The following ALKBH5 variants were observed in gnomAD, a reference collection of about 807,000 sequenced individuals.
ALKBH5 encodes alkB homolog 5, RNA demethylase.
ALKBH5 carries 2 observed loss-of-function variants against 32.1 expected under a neutral mutation model. The observed-to-expected ratio is 0.06, with a 90% CI of 0.03 to 0.20. ALKBH5 has a LOEUF of 0.20. ALKBH5 is among the 10% of genes least tolerant of loss of function. The pLI, the probability that ALKBH5 is intolerant of heterozygous loss-of-function variation, is 1.00. For synonymous variants in ALKBH5, 300 were observed against 231.7 expected, an observed-to-expected ratio of 1.29 and a Z score of -2.68; for missense variants, 352 against 559.5, an observed-to-expected ratio of 0.63 and a Z score of 3.74.
intron 2 of ALKBH5, among the ~76,000 whole-genome samples, chr17:18,203,798 G>A (rs969883219): frequency 2.6e-5 from 4 of 152,224 alleles, no homozygotes; most frequent in African/African-American, 9.6e-5. Flanking sequence ...GAAGTGTAGG[G>A]AGGGCAGGAG....
chr17:18,185,395 A>T (rs914494580), intron 1 of ALKBH5, among the ~76,000 whole-genome samples: 25 of 149,106 alleles, frequency 1.7e-4, no homozygotes, highest in Admixed American at 9.4e-4. Flanking sequence ...ATGCTTTAAA[A>T]TTTTTTTTTT....
chr17:18,187,761 C>T (rs2047148254), intron 1 of ALKBH5, among the ~76,000 whole-genome samples: 1 of 152,152 alleles, frequency 6.6e-6, no homozygotes. Flanking sequence ...TTTCCTGGTA[C>T]AGATCCTAGC....
rs921917216 is a variant in ALKBH5 at position 18,209,594 on chromosome 17, G to C, written c.*1198G>C. ...AGATCCTGGAAGGCAGCAAGGTTTT[G>C]TGGATCTAGATTCATTAGGAATGTC... On this transcript the variant is annotated 3_prime_UTR_variant, in exon 4 of 4. Coordinates refer to ENST00000399138, the MANE Select transcript of ALKBH5 (RefSeq NM_017758.4). 1.3e-5 allele frequency: 2 copies of C among 152,238 alleles called. No individual in the cohort carries two copies. The highest frequency in any genetic ancestry group is 6.5e-5 in the Admixed American group (1 of 15,284). The allele number at this position is 152,238 out of a possible 1,614,324, so 9.4% of individuals were successfully genotyped here.
At chr17:18,197,564 C>T (rs2047211388) in intron 2 of ALKBH5, among the ~76,000 whole-genome samples, 1 of 152,216 alleles carries the variant, frequency 6.6e-6, no homozygotes, top group African/African-American at 2.4e-5. Context: ...GTTGGATGTG[C>T]AGGTGGTAGT....
At chr17:18,199,464 G>A (rs2047223715) in intron 2 of ALKBH5, among the ~76,000 whole-genome samples, 1 of 152,196 alleles carries the variant, frequency 6.6e-6, no homozygotes, top group Non-Finnish European at 1.5e-5. Flanking sequence ...AGTGCACTCT[G>A]TGCTTCTGCT....
chr17:18,186,557 T>G (rs2047140756), intron 1 of ALKBH5, among the ~76,000 whole-genome samples: 1 of 151,844 alleles, frequency 6.6e-6, no homozygotes, highest in Admixed American at 6.6e-5. Flanking sequence ...CACAAGGCAT[T>G]TTTTTTTGGT....
At chr17:18,194,035 G>A (rs777715324) in intron 1 of ALKBH5, among the ~76,000 whole-genome samples, 1 of 151,808 alleles carries the variant, frequency 6.6e-6, no homozygotes, top group Non-Finnish European at 1.5e-5. Flanking sequence ...CGCTAGCTGA[G>A]AAGAGGACAG....
chr17:18,184,488 C>T lies in ALKBH5; in HGVS notation c.245C>T (p.Ala82Val). ...CAGCAGCTGCAGAAGGAGGAGGAGG[C>T]GCGCAAGGTGAAGAGCGGCATCCGC... ...EEQQLQKEEEARKVKSGIRQM... is the reference protein window; with the variant it reads ...EEQQLQKEEEVRKVKSGIRQM... The change falls in exon 1 of 4, where the codon GCG becomes GTG. Residue 82 changes from alanine to valine, a missense_variant. By Grantham distance (64) the Ala-to-Val change is moderately conservative. This residue lies in a region of ALKBH5 where 144 missense variants were observed against 125.8 expected (regional missense o/e 1.14). Coordinates refer to ENST00000399138, the MANE Select transcript of ALKBH5 (RefSeq NM_017758.4). 1.2e-6 allele frequency: 2 copies of T among 1,612,896 alleles called. No homozygotes were observed. Among genetic ancestry groups the T allele is most frequent in the South Asian group, 1.1e-5 (1 of 91,070 alleles).
At chr17:18,189,531 G>A (rs1210090119) in intron 1 of ALKBH5, among the ~76,000 whole-genome samples, 1 of 152,182 alleles carries the variant, frequency 6.6e-6, no homozygotes, top group African/African-American at 2.4e-5. Flanking sequence ...GTGCCCTTTG[G>A]TGAGGCCAGC....
intron 2 of ALKBH5, among the ~76,000 whole-genome samples, chr17:18,201,979 C>T (rs2047244112): frequency 6.6e-6 from 1 of 151,812 alleles, no homozygotes; most frequent in Non-Finnish European, 1.5e-5. Context: ...CCCACCCGTG[C>T]ACTCCAGGCT....
Position 18,208,825 on chromosome 17 carries a change from C to T in ALKBH5, c.*429C>T, listed in dbSNP as rs912459091. ...AGTTCAGTCTTCTGCTCGCCCCTTT[C>T]CCTCACTGATGTCTGCACTTGGTTG... On this transcript the variant is annotated 3_prime_UTR_variant, in exon 4 of 4. Coordinates refer to ENST00000399138, the MANE Select transcript of ALKBH5 (RefSeq NM_017758.4). 2.3e-5 allele frequency: 7 copies of T among 301,984 alleles called. No homozygotes were observed. The highest frequency in any genetic ancestry group is 4.5e-5 in the Non-Finnish European group (7 of 156,222). The allele number at this position is 301,984 out of a possible 1,614,324, so 18.7% of individuals were successfully genotyped here. A position where few individuals can be genotyped will look rare whatever the true frequency, so the allele number is the denominator to read the frequency against.
chr17:18,185,970 A>G (rs2047136869), intron 1 of ALKBH5, among the ~76,000 whole-genome samples: 1 of 152,162 alleles, frequency 6.6e-6, no homozygotes, highest in Non-Finnish European at 1.5e-5. Context: ...CCACCACCAA[A>G]TACAAGGTTG....
intron 1 of ALKBH5, among the ~76,000 whole-genome samples, chr17:18,189,384 C>G (rs896972958): frequency 1.3e-5 from 2 of 152,020 alleles, no homozygotes; most frequent in Non-Finnish European, 2.9e-5. Flanking sequence ...AGCAAGACTC[C>G]GTCTCAAAAA....
intron 2 of ALKBH5, among the ~76,000 whole-genome samples, chr17:18,204,862 C>T (rs892697172): frequency 6.6e-6 from 1 of 151,970 alleles, no homozygotes; most frequent in Non-Finnish European, 1.5e-5. Context: ...GAGTTAGAGA[C>T]CAGCCTAGGC....
At chr17:18,191,735 C>T (rs1444656173) in intron 1 of ALKBH5, among the ~76,000 whole-genome samples, 4 of 151,980 alleles carry the variant, frequency 2.6e-5, no homozygotes, top group African/African-American at 4.8e-5. Flanking sequence ...TTTGGGAGGC[C>T]GAGGTGGGTG....
At position 18,184,357 on chromosome 17, in the gene ALKBH5, A is replaced by T. The variant is rs1241284745; in HGVS notation, c.114A>T (p.Val38=). 1.7e-5 allele frequency: 26 copies of T among 1,514,788 alleles called. No homozygotes were observed. Among genetic ancestry groups the T allele is most frequent in the Non-Finnish European group, 2.1e-5 (24 of 1,134,748 alleles). 93.8% of individuals were successfully genotyped at this position (1,514,788 alleles called of 1,614,324 possible). ...REAAAAAAAA[V]AAAAAAAAAA... ...CCGCCGCCGCTGCCGCAGCCGCCGTAGCCGCCGCAGCCGCAGCCGCCGCTG... is the reference window on the plus strand; with the variant it reads ...CCGCCGCCGCTGCCGCAGCCGCCGTTGCCGCCGCAGCCGCAGCCGCCGCTG... The change falls in exon 1 of 4, where the codon GTA becomes GTT. Residue 38 remains valine, a synonymous_variant. Coordinates refer to ENST00000399138, the MANE Select transcript of ALKBH5 (RefSeq NM_017758.4).
At chr17:18,199,908 T>G (rs1223130130) in intron 2 of ALKBH5, among the ~76,000 whole-genome samples, 2 of 151,878 alleles carry the variant, frequency 1.3e-5, no homozygotes, top group African/African-American at 4.8e-5. Flanking sequence ...AGTTCAAGAC[T>G]AGCCTGACTA....
At chr17:18,190,611 G>T (rs753246407) in intron 1 of ALKBH5, among the ~76,000 whole-genome samples, 2 of 151,978 alleles carry the variant, frequency 1.3e-5, no homozygotes, top group Non-Finnish European at 2.9e-5. Flanking sequence ...AATCTTCTGA[G>T]GAGGGGCTTG....
intron 1 of ALKBH5, among the ~76,000 whole-genome samples, chr17:18,186,643 G>C (rs1201493615): frequency 6.6e-6 from 1 of 152,120 alleles, no homozygotes; most frequent in African/African-American, 2.4e-5. Context: ...TTAGTATGCA[G>C]GTCTGTTAGT....
Sources: allele counts gnomAD v4.1 joint callset (sites outside exome capture counted in the v4.1 genomes callset), GRCh38; gene constraint gnomAD v4.1.1; regional missense constraint gnomAD v4.1.1; transcripts MANE v1.5; gene names NCBI Gene and HGNC (gene_info 2026-07-23, HGNC 2026-07-21).